The following RASGRP1 variants were observed in gnomAD, a reference collection of about 807,000 sequenced individuals.
RASGRP1 encodes RAS guanyl releasing protein 1, also known as RAS guanyl-releasing protein 1.
Under a neutral mutation model 95.1 loss-of-function variants are expected in RASGRP1, and 37 were observed. The observed-to-expected ratio is 0.39, with a 90% CI of 0.30 to 0.51. The LOEUF is 0.51. Ranked by LOEUF, RASGRP1 falls within the 20% of genes least tolerant of loss-of-function variation. The pLI, the probability that RASGRP1 is intolerant of heterozygous loss-of-function variation, is 0.80. For synonymous variants in RASGRP1, 325 were observed against 353.4 expected, an observed-to-expected ratio of 0.92 and a Z score of 0.90; for missense variants, 711 against 965.4, an observed-to-expected ratio of 0.74 and a Z score of 3.49.
chr15:38,531,575 C>CACCTTT (rs776256102), intron 2 of RASGRP1, among the ~76,000 whole-genome samples: 4 of 152,276 alleles, frequency 2.6e-5, no homozygotes, highest in Admixed American at 1.3e-4. Flanking sequence ...ATTCACACTT[C>CACCTTT]ACCTTTACCT....
At chr15:38,561,921 T>C (rs975976820) in intron 1 of RASGRP1, among the ~76,000 whole-genome samples, 1 of 152,218 alleles carries the variant, frequency 6.6e-6, no homozygotes, top group Non-Finnish European at 1.5e-5. Context: ...TGAGTACCTA[T>C]GCTATGGCAG....
chr15:38,502,249 T>TA, intron 12 of RASGRP1, 63 bp downstream of exon 12: 1 of 1,168,600 alleles, frequency 8.6e-7, no homozygotes, highest in Non-Finnish European at 1.2e-6. Flanking sequence ...TCTAGTGACA[T>TA]ACCTATAAAC....
chr15:38,564,359 G>A (rs1388026251), intron 1 of RASGRP1, among the ~76,000 whole-genome samples: 1 of 152,086 alleles, frequency 6.6e-6, no homozygotes, highest in Non-Finnish European at 1.5e-5. Flanking sequence ...ACGAGCTCTG[G>A]CCTCGCGGCC....
At chr15:38,526,886 G>C (rs1021535156) in intron 2 of RASGRP1, among the ~76,000 whole-genome samples, 2 of 152,180 alleles carry the variant, frequency 1.3e-5, no homozygotes, top group Non-Finnish European at 2.9e-5. Context: ...GCCTTGGAAG[G>C]GGCTCATGCA....
chr15:38,526,543 C>A, intron 2 of RASGRP1, 139 bp from the exon 3 acceptor site: 1 of 608,974 alleles, frequency 1.6e-6, no homozygotes, highest in Non-Finnish European at 2.9e-6. Context: ...GCACAGCCCC[C>A]CTCTGTTTTT....
chr15:38,528,754 A>G (rs1421939449), intron 2 of RASGRP1, among the ~76,000 whole-genome samples: 1 of 152,140 alleles, frequency 6.6e-6, no homozygotes, highest in Admixed American at 6.5e-5. Context: ...TTCTAGATGA[A>G]CTCATTTAGT....
Position 38,560,353 on chromosome 15 carries a change from G to A in RASGRP1, c.36-348C>T, listed in dbSNP as rs1329183627. The A allele has an allele frequency of 1.5e-5, 4 of 274,792 alleles. No individual in the cohort carries two copies. The East Asian group carries it at 3.5e-4, about 24-fold the overall frequency. 17.0% of individuals were successfully genotyped at this position (274,792 alleles called of 1,614,324 possible). On this transcript the variant is annotated intron_variant, in intron 1 of 16. Transcript: ENST00000310803. ...ACATTTTTTCAGCTACTAAGCCACTGACTTGAATCTTAAAAATTATTTACA... is the reference window on the plus strand; with the variant it reads ...ACATTTTTTCAGCTACTAAGCCACTAACTTGAATCTTAAAAATTATTTACA...
intron 7 of RASGRP1, 65 bp downstream of exon 7, chr15:38,512,718 G>A: frequency 6.3e-7 from 1 of 1,584,028 alleles, no homozygotes; most frequent in Non-Finnish European, 8.6e-7. Flanking sequence ...AGACTAAGCT[G>A]GAGGAAAAGG....
intron 3 of RASGRP1, 30 bp from the exon 4 acceptor site, chr15:38,519,401 C>G (rs748604211): frequency 3.4e-6 from 5 of 1,471,792 alleles, no homozygotes; most frequent in Non-Finnish European, 4.7e-6. Flanking sequence ...AAATGGAGAC[C>G]TCTGTTACAG....
chr15:38,560,830 C>T (rs1376568675), intron 1 of RASGRP1, among the ~76,000 whole-genome samples: 2 of 152,136 alleles, frequency 1.3e-5, no homozygotes, highest in Non-Finnish European at 2.9e-5. Flanking sequence ...TGTAAAAGGG[C>T]AAGTTTGGAT....
intron 1 of RASGRP1, among the ~76,000 whole-genome samples, chr15:38,561,575 C>T (rs1329993908): frequency 2.6e-5 from 4 of 152,190 alleles, no homozygotes; most frequent in Non-Finnish European, 4.4e-5. Flanking sequence ...GGGAAACCAG[C>T]CTGCTAAGAG....
chr15:38,530,483 A>G (rs1271938969), intron 2 of RASGRP1, among the ~76,000 whole-genome samples: 3 of 152,226 alleles, frequency 2.0e-5, no homozygotes, highest in Non-Finnish European at 4.4e-5. Flanking sequence ...TGGCTTTTCA[A>G]TGCAGCATTT....
rs1892216849 is a variant in RASGRP1 at position 38,526,303 on chromosome 15, T to G, written c.322A>C (p.Thr108Pro). ...SSAELLQKVI[T>P]LYKDALAKNS... ...AGTCACTATGTTAAAGGATATAGGG[T>G]GATAACTTTTTGGAGCAGTTCTGCA... Residue 108 changes from threonine to proline, a missense_variant, in exon 3 of 17, where the codon ACC becomes CCC. Transcript: ENST00000310803. The G allele has an allele frequency of 6.2e-7, 1 of 1,611,342 alleles. No homozygotes were observed. Among genetic ancestry groups the G allele is most frequent in the Non-Finnish European group, 8.5e-7 (1 of 1,177,806 alleles).
chr15:38,560,323 T>C (rs1893753484), intron 1 of RASGRP1: 1 of 339,818 alleles, frequency 2.9e-6, no homozygotes, highest in Non-Finnish European at 5.5e-6. Context: ...CTCCCAGCAA[T>C]GTATACATTT....
intron 3 of RASGRP1, chr15:38,524,103 T>C (rs911285436): frequency 6.6e-6 from 1 of 152,242 alleles, no homozygotes; most frequent in Non-Finnish European, 1.5e-5. Context: ...TTAGGTTAGA[T>C]GGCTGGGTGC....
chr15:38,499,014 C>A, intron 14 of RASGRP1, 68 bp from the exon 15 acceptor site: 2 of 1,591,264 alleles, frequency 1.3e-6, no homozygotes, highest in South Asian at 1.1e-5. Context: ...GTCTCACAAC[C>A]AAATTCATGC....
chr15:38,502,852 A>G (rs1489367628), intron 11 of RASGRP1: 1 of 230,900 alleles, frequency 4.3e-6, no homozygotes, highest in Non-Finnish European at 8.5e-6. Context: ...CCATTGTTAC[A>G]TGTGAGTTGT....
intron 3 of RASGRP1, among the ~76,000 whole-genome samples, chr15:38,522,061 G>A (rs576568535): frequency 1.3e-5 from 2 of 152,128 alleles, no homozygotes; most frequent in Non-Finnish European, 2.9e-5. Context: ...CCCAATGTTT[G>A]CACCCATAGT....
At chr15:38,563,703 G>A (rs1893905984) in intron 1 of RASGRP1, among the ~76,000 whole-genome samples, 1 of 152,184 alleles carries the variant, frequency 6.6e-6, no homozygotes, top group South Asian at 2.1e-4. Context: ...GGACCCTCAG[G>A]GGATACCTGG....
Sources: allele counts gnomAD v4.1 joint callset (sites outside exome capture counted in the v4.1 genomes callset), GRCh38; gene constraint gnomAD v4.1.1; transcripts MANE v1.5; gene names NCBI Gene and HGNC (gene_info 2026-07-23, HGNC 2026-07-21).